The following FRK variants were observed in gnomAD, a reference collection of about 807,000 sequenced individuals.
FRK encodes fyn related Src family tyrosine kinase.
In FRK, 51 loss-of-function variants were observed where a neutral mutation model predicts 56.4. The ratio of observed to expected loss-of-function variants is 0.90; its 90% CI spans 0.72 to 1.14. FRK has a LOEUF of 1.14. FRK is among the 50% of genes most tolerant of loss of function. The pLI is 0.00. For missense variants in FRK, 570 were observed against 601.4 expected, an observed-to-expected ratio of 0.95 and a Z score of 0.55; for synonymous variants, 245 against 217.9, an observed-to-expected ratio of 1.12 and a Z score of -1.10.
At chr6:116,062,646 C>T (rs903839241), upstream of FRK, among the ~76,000 whole-genome samples, 1 of 152,140 alleles carries the variant, frequency 6.6e-6, no homozygotes, top group African/African-American at 2.4e-5. Flanking sequence ...CTGCACACCA[C>T]AGTCATTGAG....
the FRK span, among the ~76,000 whole-genome samples, chr6:116,079,696 C>T: frequency 2.0e-5 from 3 of 152,022 alleles, no homozygotes; most frequent in South Asian, 6.2e-4. Flanking sequence ...GCTAAAATGA[C>T]CCTCCCACTG....
chr6:115,959,677 T>C (rs143859369), intron 4 of FRK, among the ~76,000 whole-genome samples: 1 of 152,318 alleles, frequency 6.6e-6, no homozygotes, highest in African/African-American at 2.4e-5. Context: ...CCATGGAGGC[T>C]AACATTTATT....
chr6:116,047,121 A>G (rs1776994520), intron 1 of FRK, among the ~76,000 whole-genome samples: 1 of 151,800 alleles, frequency 6.6e-6, no homozygotes. Flanking sequence ...CCACAACATG[A>G]CCTCAAAATG....
the FRK span, chr6:116,100,710 C>T: frequency 2.9e-6 from 1 of 344,570 alleles, no homozygotes; most frequent in African/African-American, 2.2e-5. Context: ...CTACCTGACT[C>T]CGGGCGGCGC....
chr6:115,950,621 G>A (rs747950547), intron 5 of FRK, among the ~76,000 whole-genome samples: 1 of 152,172 alleles, frequency 6.6e-6, no homozygotes, highest in African/African-American at 2.4e-5. Context: ...GATTCCTCAA[G>A]GATCTAGAAC....
chr6:116,003,946 A>T lies in FRK; in HGVS notation c.397T>A (p.Ser133Thr). 6.2e-7 allele frequency: 1 copy of T among 1,613,264 alleles called. No homozygotes were observed. Reference sequence around the variant, plus strand: ...AGAAAGGAACCGGTCTTGTTTTCTGAATATAATAGTTGTTTCTCTGCATCT... The same window carrying T: ...AGAAAGGAACCGGTCTTGTTTTCTGTATATAATAGTTGTTTCTCTGCATCT... ...RSDAEKQLLY[S>T]ENKTGSFLIR... Residue 133 changes from serine (S) to threonine (T), a missense_variant, in exon 2 of 8, where the codon TCA becomes ACA. Ser to Thr is a moderately conservative substitution (Grantham distance 58, BLOSUM62 1). Transcript: ENST00000606080.
chr6:115,950,405 G>A (rs1232229925), intron 5 of FRK, among the ~76,000 whole-genome samples: 2 of 152,150 alleles, frequency 1.3e-5, no homozygotes, highest in African/African-American at 4.8e-5. Context: ...CATTCATGCA[G>A]TCAACAAATA....
chr6:115,975,584 A>T (rs905893352), intron 2 of FRK, among the ~76,000 whole-genome samples: 2 of 152,132 alleles, frequency 1.3e-5, no homozygotes, highest in African/African-American at 4.8e-5. Context: ...GATCTTTATT[A>T]TTGAACTGAG....
chr6:115,966,448 T>C (rs1393500243), intron 4 of FRK, among the ~76,000 whole-genome samples: 6 of 152,310 alleles, frequency 3.9e-5, no homozygotes, highest in Non-Finnish European at 8.8e-5. Context: ...TCAAAACTTT[T>C]AAGTATTCCA....
In FRK at chr6:115,932,276, G is replaced by A. The variant is rs1275068361; in HGVS notation, c.*10138C>T. On this transcript the variant is annotated 3_prime_UTR_variant, in exon 8 of 8. Transcript: ENST00000606080. ...GCAGAGAAAAATCTAAGAGTTTAGTGGGGGAATGTAGGCAGTAAGAGGATA... is the reference window on the plus strand; with the variant it reads ...GCAGAGAAAAATCTAAGAGTTTAGTAGGGGAATGTAGGCAGTAAGAGGATA... The A allele has an allele frequency of 1.3e-5, 2 of 152,100 alleles. No homozygotes were observed. The highest frequency in any genetic ancestry group is 6.6e-5 in the Admixed American group (1 of 15,262). 9.4% of individuals were successfully genotyped at this position (152,100 alleles called of 1,614,324 possible).
chr6:116,003,416 G>A (rs2114693887), intron 2 of FRK, among the ~76,000 whole-genome samples: 1 of 152,176 alleles, frequency 6.6e-6, no homozygotes, highest in South Asian at 2.1e-4. Context: ...AACTACATTT[G>A]ACCAAATTTT....
intron 4 of FRK, among the ~76,000 whole-genome samples, chr6:115,959,670 T>G (rs1238906562): frequency 6.6e-6 from 1 of 152,198 alleles, no homozygotes; most frequent in African/African-American, 2.4e-5. Flanking sequence ...AGCAGCCCCA[T>G]GGAGGCTAAC....
In FRK at chr6:115,956,614, A is replaced by C. The variant is rs1207120817; in HGVS notation, c.800-4T>G. ...AAGTCATTTGGATCCATTGAACCTGAAACAAGAAGAGGGAGAAATCACTTT... is the reference window on the plus strand; with the variant it reads ...AAGTCATTTGGATCCATTGAACCTGCAACAAGAAGAGGGAGAAATCACTTT... On this transcript the variant is annotated splice_polypyrimidine_tract_variant and splice_region_variant and intron_variant, in intron 4 of 7. Transcript: ENST00000606080. The C allele has an allele frequency of 1.3e-6, 2 of 1,538,542 alleles. No individual in the cohort carries two copies. Among genetic ancestry groups the C allele is most frequent in the African/African-American group, 1.4e-5 (1 of 72,524 alleles).
intron 1 of FRK, among the ~76,000 whole-genome samples, chr6:116,006,166 C>T (rs570763941): frequency 7.5e-4 from 114 of 152,076 alleles, no homozygotes; most frequent in African/African-American, 2.7e-3. Flanking sequence ...GACCTATAAT[C>T]GATAAGAGAA....
At chr6:115,959,583 T>G (rs1361603715) in intron 4 of FRK, among the ~76,000 whole-genome samples, 1 of 152,184 alleles carries the variant, frequency 6.6e-6, no homozygotes, top group East Asian at 1.9e-4. Context: ...GCCTGTCTCT[T>G]GCTTCATCTG....
At chr6:116,096,482 G>C in the FRK span, among the ~76,000 whole-genome samples, 24 of 152,246 alleles carry the variant, frequency 1.6e-4, no homozygotes, top group African/African-American at 5.8e-4. Flanking sequence ...CTAGCTAAAA[G>C]ACTGTAAACA....
chr6:116,060,071 A>G lies in FRK; in HGVS notation c.241T>C (p.Phe81Leu). 2 of 1,614,122 alleles carry G rather than the reference A, an allele frequency of 1.2e-6. No individual in the cohort carries two copies. The highest frequency in any genetic ancestry group is 1.7e-6 in the Non-Finnish European group (2 of 1,180,030). ...CGTCTTTTCTCCAAGTGTCTGGCAAACCACCAGCCCTCATGCAAAGTGTCC... is the reference window on the plus strand; with the variant it reads ...CGTCTTTTCTCCAAGTGTCTGGCAAGCCACCAGCCCTCATGCAAAGTGTCC... ...VLDTLHEGWW[F>L]ARHLEKRRDG... The change falls in exon 1 of 8, where the codon TTT (phenylalanine) becomes CTT (leucine). Residue 81 changes from phenylalanine to leucine, a missense_variant. By Grantham distance (22) the Phe-to-Leu change is conservative (BLOSUM62 0). Transcript: ENST00000606080.
At chr6:116,093,729 G>C in the FRK span, among the ~76,000 whole-genome samples, 1 of 152,156 alleles carries the variant, frequency 6.6e-6, no homozygotes, top group African/African-American at 2.4e-5. Context: ...ATGCAATGAT[G>C]TCCACCATAA....
chr6:116,055,098 G>A (rs9488830), intron 1 of FRK, among the ~76,000 whole-genome samples: 2,892 of 152,180 alleles, frequency 0.019, 88 homozygotes, highest in African/African-American at 0.065. Context: ...ATTTTAAAAC[G>A]GTGATATAGG....
Sources: allele counts gnomAD v4.1 joint callset (sites outside exome capture counted in the v4.1 genomes callset), GRCh38; gene constraint gnomAD v4.1.1; transcripts MANE v1.5; gene names NCBI Gene and HGNC (gene_info 2026-07-23, HGNC 2026-07-21).